RERE: variants seen among roughly 807,000 people sequenced by gnomAD.
The protein encoded by RERE is arginine-glutamic acid dipeptide repeats protein.
RERE carries 40 observed loss-of-function variants against 146.1 expected under a neutral mutation model. The ratio of observed to expected loss-of-function variants is 0.27; its 90% CI spans 0.21 to 0.36. The LOEUF is 0.36. RERE is among the 10% of genes least tolerant of loss of function. The pLI is 1.00. For missense variants in RERE, 1,933 were observed against 2,138.7 expected (o/e 0.90, Z 1.90); for synonymous variants, 1,003 against 866.0 (o/e 1.16, Z -2.78).
At chr1:8,401,356 C>T (rs1000932240) in intron 12 of RERE, among the ~76,000 whole-genome samples, 3 of 151,984 alleles carry the variant, frequency 2.0e-5, no homozygotes, top group East Asian at 1.9e-4. Context: ...GTGGGAGAAT[C>T]GCTTGAACCC....
intron 1 of RERE, among the ~76,000 whole-genome samples, chr1:8,733,706 C>T (rs1339781396): frequency 6.6e-6 from 1 of 152,240 alleles, no homozygotes; most frequent in African/African-American, 2.4e-5. Context: ...CCTCAAGCCA[C>T]TCCTAAATTC....
At chr1:8,489,532 G>A (rs114949828) in intron 10 of RERE, among the ~76,000 whole-genome samples, 2,759 of 151,760 alleles carry the variant, frequency 0.018, 101 homozygotes, top group African/African-American at 0.064. Flanking sequence ...TTTGAACAGA[G>A]GCTTCACAAA....
intron 12 of RERE, among the ~76,000 whole-genome samples, chr1:8,410,925 T>C (rs1053070729): frequency 2.6e-5 from 4 of 152,240 alleles, no homozygotes; most frequent in African/African-American, 9.6e-5. Context: ...TGCTTGATGA[T>C]TGACTAGCAT....
At chr1:8,798,576 G>C (rs1303624211) in intron 1 of RERE, 1 of 218,984 alleles carries the variant, frequency 4.6e-6, no homozygotes, top group African/African-American at 2.3e-5. Context: ...ACTGATGATG[G>C]CACCTCAGAT....
intron 12 of RERE, among the ~76,000 whole-genome samples, chr1:8,399,816 AAT>A (rs1643186578): frequency 6.6e-6 from 1 of 151,958 alleles, no homozygotes; most frequent in Non-Finnish European, 1.5e-5. Flanking sequence ...TAAAAAAAAA[AAT>A]AAAGAATTTG....
intron 6 of RERE, among the ~76,000 whole-genome samples, chr1:8,546,805 G>A (rs970051136): frequency 1.3e-5 from 2 of 150,108 alleles, no homozygotes; most frequent in Admixed American, 6.7e-5. Flanking sequence ...CCAAGATGGC[G>A]CCACTACAAG....
chr1:8,368,428 C>T (rs920849108), intron 12 of RERE, among the ~76,000 whole-genome samples: 2 of 149,050 alleles, frequency 1.3e-5, no homozygotes, highest in Non-Finnish European at 3.0e-5. Flanking sequence ...GAGCCGAGAT[C>T]GTGCCACTGC....
chr1:8,584,463 C>T (rs1331554128), intron 4 of RERE, among the ~76,000 whole-genome samples: 3 of 152,112 alleles, frequency 2.0e-5, no homozygotes, highest in South Asian at 4.1e-4. Context: ...AGGAAAATCA[C>T]ATAAGCACAG....
chr1:8,481,792 A>G (rs562184163), intron 10 of RERE, among the ~76,000 whole-genome samples: 181 of 152,330 alleles, frequency 1.2e-3, no homozygotes, highest in Non-Finnish European at 2.3e-3. Context: ...ATATACAAGG[A>G]AAAATGAAAC....
chr1:8,531,741 C>T (rs1645656125), intron 7 of RERE, among the ~76,000 whole-genome samples: 1 of 151,962 alleles, frequency 6.6e-6, no homozygotes, highest in African/African-American at 2.4e-5. Flanking sequence ...ATTAATTTTC[C>T]TTTTCTAAGA....
At chr1:8,451,647 G>A (rs1274270655) in intron 11 of RERE, among the ~76,000 whole-genome samples, 9 of 152,120 alleles carry the variant, frequency 5.9e-5, no homozygotes, top group African/African-American at 2.2e-4. Flanking sequence ...GTGAAGTGCT[G>A]CTGTACACCG....
chr1:8,525,139 T>C (rs1022052108), intron 7 of RERE, among the ~76,000 whole-genome samples: 2 of 152,218 alleles, frequency 1.3e-5, no homozygotes, highest in South Asian at 4.1e-4. Context: ...TAAAAACTGA[T>C]GTGACATAAC....
intron 4 of RERE, among the ~76,000 whole-genome samples, chr1:8,587,874 C>T (rs1646445234): frequency 6.6e-6 from 1 of 152,220 alleles, no homozygotes; most frequent in Non-Finnish European, 1.5e-5. Context: ...TGACTAAGTC[C>T]TTCCCTCAGA....
chr1:8,500,411 C>T (rs1430479076), intron 8 of RERE, among the ~76,000 whole-genome samples: 1 of 152,234 alleles, frequency 6.6e-6, no homozygotes, highest in Non-Finnish European at 1.5e-5. Flanking sequence ...CGGGGTTTTG[C>T]TGTGTTGGCC....
At chr1:8,616,050 A>C (rs56302606) in intron 3 of RERE, among the ~76,000 whole-genome samples, 493 of 152,276 alleles carry the variant, frequency 3.2e-3, no homozygotes, top group South Asian at 0.01. Context: ...CAAATTAAAG[A>C]TTCAATTGTG....
intron 13 of RERE, among the ~76,000 whole-genome samples, chr1:8,365,343 C>T (rs1328441989): frequency 6.6e-6 from 1 of 152,102 alleles, no homozygotes; most frequent in East Asian, 1.9e-4. Flanking sequence ...GGTGTGGGCT[C>T]CAGCATCATT....
intron 1 of RERE, among the ~76,000 whole-genome samples, chr1:8,731,494 TA>T (rs972660947): frequency 6.6e-6 from 1 of 152,046 alleles, no homozygotes; most frequent in Non-Finnish European, 1.5e-5. Flanking sequence ...GATCACAGCC[TA>T]AAGACTTACG....
chr1:8,360,556 T>C lies in RERE; in HGVS notation c.2951A>G (p.His984Arg). ...SLSTHHPPSA[H>R]PPPLQLMPQS... ...AGGCATGAGTTGCAGGGGTGGGGGGTGAGCCGACGGGGGGTGATGTGTGGA... is the reference window on the plus strand; with the variant it reads ...AGGCATGAGTTGCAGGGGTGGGGGGCGAGCCGACGGGGGGTGATGTGTGGA... The change falls in exon 18 of 23, where the codon CAC becomes CGC. Residue 984 changes from histidine to arginine, a missense_variant. His to Arg is a conservative substitution (Grantham distance 29, BLOSUM62 0). Around this residue, in one of 11 missense-constraint regions of RERE, gnomAD observed 1,255 missense variants for 1,153.8 expected, o/e 1.09. Transcript: ENST00000400908. 1 of 529,798 alleles carries C rather than the reference T, an allele frequency of 1.9e-6. No individual in the cohort carries two copies. Among genetic ancestry groups the C allele is most frequent in the Non-Finnish European group, 2.4e-6 (1 of 414,434 alleles). The allele number at this position is 529,798 out of a possible 1,614,324, so 32.8% of individuals were successfully genotyped here. A position where few individuals can be genotyped will look rare whatever the true frequency, so the allele number is the denominator to read the frequency against.
chr1:8,356,163 G>A lies in RERE; in HGVS notation c.4423C>T (p.Leu1475Phe). 6.6e-7 allele frequency: 1 copy of A among 1,521,262 alleles called. No homozygotes were observed. The highest frequency in any genetic ancestry group is 2.7e-5 in the East Asian group (1 of 37,666). The allele number at this position is 1,521,262 out of a possible 1,614,324, so 94.2% of individuals were successfully genotyped here. A position where few individuals can be genotyped will look rare whatever the true frequency, so the allele number is the denominator to read the frequency against. ...LARFPYPPGT[L>F]PNPLLGQPPH... is the part of the protein sequence containing the mutation. Reference sequence around the variant, plus strand: ...GGCTGTCCAAGCAGAGGGTTGGGGAGAGTGCCAGGCGGGTAGGGGAAGCGA... The same window carrying A: ...GGCTGTCCAAGCAGAGGGTTGGGGAAAGTGCCAGGCGGGTAGGGGAAGCGA... Residue 1475 changes from leucine to phenylalanine, a missense_variant, in exon 21 of 23, where the codon CTC (leucine) becomes TTC (phenylalanine). Leu to Phe is a conservative substitution (Grantham distance 22). Coordinates refer to ENST00000400908, the MANE Select transcript of RERE (RefSeq NM_001042681.2). This position sits in a 1 kb window ranked among gnomAD's most constrained non-coding sequence, Gnocchi z 5.2.
Sources: gnomAD v4.1 joint callset for allele counts (sites outside exome capture counted in the v4.1 genomes callset) on GRCh38, gnomAD v4.1.1 for gene constraint, gnomAD v4.1.1 regional missense constraint, Gnocchi (gnomAD v3.1) non-coding constraint, MANE v1.5 for transcripts, NCBI Gene and HGNC (gene_info 2026-07-23, HGNC 2026-07-21) for gene names.